The following ZNF704 variants were observed in gnomAD, a reference collection of about 807,000 sequenced individuals.
ZNF704 encodes zinc finger protein 704.
A neutral mutation model predicts 44.7 loss-of-function variants in ZNF704; 10 were observed. That is an observed-to-expected ratio of 0.22 (90% CI 0.14 to 0.38). The LOEUF is 0.38. Ranked by LOEUF, ZNF704 falls within the 10% of genes least tolerant of loss-of-function variation. ZNF704 has a pLI of 1.00. For synonymous variants in ZNF704, 211 were observed against 207.6 expected (o/e 1.02, Z -0.14); for missense variants, 390 against 545.5 (o/e 0.71, Z 2.84).
At chr8:80,683,688 T>G (rs556758240) in intron 4 of ZNF704, among the ~76,000 whole-genome samples, 22 of 152,338 alleles carry the variant, frequency 1.4e-4, no homozygotes, top group Non-Finnish European at 3.2e-4. Flanking sequence ...TGGGGGATGA[T>G]GAAATGAAAT....
intron 7 of ZNF704, among the ~76,000 whole-genome samples, chr8:80,654,335 C>A (rs993246930): frequency 1.3e-4 from 20 of 152,074 alleles, no homozygotes; most frequent in African/African-American, 4.8e-4. Flanking sequence ...CCAAAATTGA[C>A]AAATGGGATC....
At chr8:80,789,354 A>G (rs932701959) in intron 2 of ZNF704, among the ~76,000 whole-genome samples, 3 of 152,214 alleles carry the variant, frequency 2.0e-5, no homozygotes, top group East Asian at 1.9e-4. Flanking sequence ...TTACATTGAT[A>G]TATCAGCAAA....
intron 2 of ZNF704, among the ~76,000 whole-genome samples, chr8:80,708,030 T>TA (rs1403587963): frequency 6.6e-6 from 1 of 152,254 alleles, no homozygotes; most frequent in Non-Finnish European, 1.5e-5. Flanking sequence ...TGTGTTCTTT[T>TA]ATTTATATTT....
rs951719786 is a variant in ZNF704 at position 80,813,757 on chromosome 8, T to C, written c.221+7617A>G. Among the ~76,000 whole-genome samples, 9 of 152,146 alleles carry C rather than the reference T, an allele frequency of 5.9e-5. No individual in the cohort carries two copies. The East Asian group carries it at 1.7e-3, about 29-fold the overall frequency. ...AGCCAGGCGTGGTGGTGGGCGCCTG[T>C]AGTCCCAGCTACTCAGGAGGCTGAA... On this transcript the variant is annotated intron_variant, in intron 2 of 8. Coordinates refer to ENST00000327835, the MANE Select transcript of ZNF704 (RefSeq NM_001033723.3).
chr8:80,837,125 A>G (rs1808596946), intron 1 of ZNF704, among the ~76,000 whole-genome samples: 1 of 152,198 alleles, frequency 6.6e-6, no homozygotes, highest in Non-Finnish European at 1.5e-5. Flanking sequence ...CTAGGGCTGC[A>G]AAAGTGTGGG....
At position 80,668,730 on chromosome 8, in the gene ZNF704, G is replaced by A. The variant is rs967369946; in HGVS notation, c.659+1773C>T. Among the ~76,000 whole-genome samples, 5 of 152,128 alleles carry A rather than the reference G, an allele frequency of 3.3e-5. No homozygotes were observed. The South Asian group carries it at 8.3e-4, about 25-fold the overall frequency. On this transcript the variant is annotated intron_variant, in intron 5 of 8. Coordinates refer to ENST00000327835, the MANE Select transcript of ZNF704 (RefSeq NM_001033723.3). Reference sequence around the variant, plus strand: ...GTACTGCAGACACATCAGAGGTGACGGCATATTTTCTTCTGGCTTTGACAC... The same window carrying A: ...GTACTGCAGACACATCAGAGGTGACAGCATATTTTCTTCTGGCTTTGACAC...
intron 7 of ZNF704, among the ~76,000 whole-genome samples, chr8:80,646,388 T>C (rs1465255693): frequency 6.6e-6 from 1 of 151,326 alleles, no homozygotes; most frequent in East Asian, 2.0e-4. Flanking sequence ...GGTGGGAGGA[T>C]CACCTGAGTG....
chr8:80,660,119 C>G (rs1161003993), intron 6 of ZNF704, among the ~76,000 whole-genome samples: 1 of 152,152 alleles, frequency 6.6e-6, no homozygotes, highest in African/African-American at 2.4e-5. Flanking sequence ...CTATTCCACT[C>G]TAGGCATTCA....
At chr8:80,680,698 T>C (rs1251291780) in intron 4 of ZNF704, among the ~76,000 whole-genome samples, 1 of 152,208 alleles carries the variant, frequency 6.6e-6, no homozygotes, top group African/African-American at 2.4e-5. Flanking sequence ...GAAGCAGCTA[T>C]GTTACCTCAT....
At chr8:80,674,228 G>T (rs557562115) in intron 4 of ZNF704, among the ~76,000 whole-genome samples, 1 of 152,148 alleles carries the variant, frequency 6.6e-6, no homozygotes, top group Admixed American at 6.5e-5. Context: ...CAGATGGGGC[G>T]ATTTAAATCC....
At chr8:80,849,591 A>G (rs1349871591) in intron 1 of ZNF704, among the ~76,000 whole-genome samples, 1 of 152,248 alleles carries the variant, frequency 6.6e-6, no homozygotes, top group Non-Finnish European at 1.5e-5. Flanking sequence ...CTAGCTTAAT[A>G]GTATAAACTT....
intron 1 of ZNF704, among the ~76,000 whole-genome samples, chr8:80,842,270 G>A (rs191932024): frequency 2.6e-5 from 4 of 152,204 alleles, no homozygotes; most frequent in African/African-American, 4.8e-5. Context: ...GGTCCACCCC[G>A]AGTCCTCATC....
chr8:80,739,799 A>C lies in ZNF704; in HGVS notation c.222-46692T>G, dbSNP rs1051385162. Among the ~76,000 whole-genome samples the C allele has an allele frequency of 1.3e-5, 2 of 152,178 alleles. 1 individual carries two copies. Among genetic ancestry groups the C allele is most frequent in the South Asian group, 4.1e-4 (2 of 4,824 alleles). On this transcript the variant is annotated intron_variant, in intron 2 of 8. Coordinates refer to ENST00000327835, the MANE Select transcript of ZNF704 (RefSeq NM_001033723.3). ...GCGGTCTACAAGGACACTTTAAAAA[A>C]GATTGTCCAAATAGAAATAAGCCGC...
intron 2 of ZNF704, among the ~76,000 whole-genome samples, chr8:80,795,234 C>G (rs1381236360): frequency 6.6e-6 from 1 of 152,202 alleles, no homozygotes; most frequent in Non-Finnish European, 1.5e-5. Context: ...TGAATGGAAC[C>G]TGCCTTTTTC....
At chr8:80,849,991 T>C (rs1213984268) in intron 1 of ZNF704, among the ~76,000 whole-genome samples, 4 of 152,230 alleles carry the variant, frequency 2.6e-5, no homozygotes, top group Non-Finnish European at 4.4e-5. Context: ...TGTTATGCTT[T>C]CTATCAGTTT....
intron 4 of ZNF704, among the ~76,000 whole-genome samples, chr8:80,677,509 A>G (rs1303676796): frequency 6.6e-6 from 1 of 152,214 alleles, no homozygotes. Context: ...TGGAATTAGG[A>G]TAACTACCAA....
intron 2 of ZNF704, among the ~76,000 whole-genome samples, chr8:80,757,184 T>A (rs1176698311): frequency 6.6e-6 from 1 of 152,188 alleles, no homozygotes; most frequent in Admixed American, 6.5e-5. Context: ...TCATAGGAGA[T>A]GACAGCTCCA....
At chr8:80,873,262 C>A (rs991607655) in intron 1 of ZNF704, among the ~76,000 whole-genome samples, 11 of 152,308 alleles carry the variant, frequency 7.2e-5, no homozygotes, top group African/African-American at 2.6e-4. Flanking sequence ...TGGGGAGAAG[C>A]GCCCTTTCCC....
intron 2 of ZNF704, among the ~76,000 whole-genome samples, chr8:80,806,659 AACAGGACCAAAT>A (rs1474302265): frequency 2.6e-5 from 4 of 152,126 alleles, no homozygotes; most frequent in African/African-American, 9.7e-5. Context: ...CACTCTTCTG[AACAGGACCAAAT>A]GGAGCTTCAA....
Sources: allele counts gnomAD v4.1 joint callset (sites outside exome capture counted in the v4.1 genomes callset), GRCh38; gene constraint gnomAD v4.1.1; transcripts MANE v1.5; gene names NCBI Gene and HGNC (gene_info 2026-07-23, HGNC 2026-07-21).